Variants in PARP8 observed in about 807,000 individuals in gnomAD.
PARP8 encodes poly(ADP-ribose) polymerase family member 8.
A neutral mutation model predicts 124.1 loss-of-function variants in PARP8; 51 were observed. The ratio of observed to expected loss-of-function variants is 0.41; its 90% confidence interval spans 0.33 to 0.52. The LOEUF is 0.52. PARP8 is among the 20% of genes least tolerant of loss of function. PARP8 has a pLI of 0.21. For missense variants in PARP8, 860 were observed against 1,018.9 expected (o/e 0.84, Z 2.12); for synonymous variants, 391 against 361.5 (o/e 1.08, Z -0.93).
chr5:50,795,529 C>CT, intron 12 of PARP8, 112 bp downstream of exon 12: 1 of 872,354 alleles, frequency 1.1e-6, no homozygotes, highest in Non-Finnish European at 1.7e-6. Flanking sequence ...TTTTAATTTA[C>CT]TGTTTTTTTA....
At chr5:50,686,675 C>T (rs896363161) in intron 2 of PARP8, among the ~76,000 whole-genome samples, 1 of 152,246 alleles carries the variant, frequency 6.6e-6, no homozygotes, top group Non-Finnish European at 1.5e-5. Context: ...CATACATCCT[C>T]TAAAATCTAG....
At chr5:50,840,028 T>A (rs1748004210) in intron 25 of PARP8, among the ~76,000 whole-genome samples, 1 of 151,842 alleles carries the variant, frequency 6.6e-6, no homozygotes, top group African/African-American at 2.4e-5. Flanking sequence ...GGAGAATAGA[T>A]CTTGTAGGAC....
At chr5:50,735,323 G>A (rs546301207) in intron 2 of PARP8, among the ~76,000 whole-genome samples, 12 of 152,048 alleles carry the variant, frequency 7.9e-5, no homozygotes, top group Non-Finnish European at 1.6e-4. Context: ...ATAGATAAAT[G>A]CACTTGAATG....
chr5:50,667,548 A>C, intron 1 of PARP8: 1 of 697,226 alleles, frequency 1.4e-6, no homozygotes, highest in Non-Finnish European at 2.6e-6. Flanking sequence ...TGGTTTGCGC[A>C]ATGGGCTGAG....
intron 7 of PARP8, among the ~76,000 whole-genome samples, chr5:50,772,990 A>T (rs1761782549): frequency 6.6e-6 from 1 of 152,024 alleles, no homozygotes; most frequent in Non-Finnish European, 1.5e-5. Context: ...GAGCCACCAC[A>T]CCTGGACTTT....
intron 2 of PARP8, among the ~76,000 whole-genome samples, chr5:50,694,605 G>C (rs929756890): frequency 6.6e-6 from 1 of 152,134 alleles, no homozygotes; most frequent in Non-Finnish European, 1.5e-5. Flanking sequence ...TGCACATTGA[G>C]ATATTACCTT....
At chr5:50,727,752 A>G (rs1282164047) in intron 2 of PARP8, among the ~76,000 whole-genome samples, 1 of 152,192 alleles carries the variant, frequency 6.6e-6, no homozygotes, top group African/African-American at 2.4e-5. Flanking sequence ...TCTTTTACTC[A>G]TCCACGTATT....
Position 50,827,986 on chromosome 5 carries a change from A to T in PARP8, c.2020A>T (p.Ser674Cys). The change falls in exon 20 of 26, where the codon AGC (serine) becomes TGC (cysteine). Residue 674 changes from serine to cysteine, a missense_variant. By Grantham distance (112) the Ser-to-Cys change is moderately radical. Coordinates refer to ENST00000281631, the MANE Select transcript of PARP8 (RefSeq NM_024615.4). ...MHTPHQFLLLSSPPAKESNFR... is the reference protein window; with the variant it reads ...MHTPHQFLLLCSPPAKESNFR... Reference sequence around the variant, plus strand: ...TACTCCACATCAGTTCCTTCTTCTCAGCAGTCCACCAGCCAAAGAATCCAA... The same window carrying T: ...TACTCCACATCAGTTCCTTCTTCTCTGCAGTCCACCAGCCAAAGAATCCAA... 1 of 1,613,852 alleles carries T rather than the reference A, an allele frequency of 6.2e-7. No individual in the cohort carries two copies. Among genetic ancestry groups the T allele is most frequent in the Non-Finnish European group, 8.5e-7 (1 of 1,179,810 alleles).
At chr5:50,686,791 G>C (rs1751912595) in intron 2 of PARP8, among the ~76,000 whole-genome samples, 1 of 152,222 alleles carries the variant, frequency 6.6e-6, no homozygotes, top group South Asian at 2.1e-4. Flanking sequence ...GCAACAGCCT[G>C]AGCTATACCT....
intron 2 of PARP8, among the ~76,000 whole-genome samples, chr5:50,743,425 G>T (rs1046660190): frequency 9.2e-5 from 14 of 152,118 alleles, no homozygotes; most frequent in Non-Finnish European, 1.5e-4. Flanking sequence ...TGAGCTTCTA[G>T]TATGCCCCAA....
intron 3 of PARP8, among the ~76,000 whole-genome samples, chr5:50,754,770 C>A (rs1246520397): frequency 6.6e-6 from 1 of 152,218 alleles, no homozygotes; most frequent in Non-Finnish European, 1.5e-5. Flanking sequence ...CTATCTTCCA[C>A]AATGGTTGAA....
At chr5:50,675,344 G>A (rs1750493490) in intron 2 of PARP8, among the ~76,000 whole-genome samples, 1 of 152,106 alleles carries the variant, frequency 6.6e-6, no homozygotes, top group Non-Finnish European at 1.5e-5. Context: ...CGCTCTTGTT[G>A]CCCAGGCTGG....
At chr5:50,793,368 G>A (rs1742175291) in intron 10 of PARP8, among the ~76,000 whole-genome samples, 6 of 152,140 alleles carry the variant, frequency 3.9e-5, no homozygotes, top group Admixed American at 2.6e-4. Context: ...AGTGTTGAGG[G>A]CCACTGCCAT....
At chr5:50,834,801 C>T (rs1747380262) in intron 24 of PARP8, 130 bp from the exon 25 acceptor site, 1 of 771,550 alleles carries the variant, frequency 1.3e-6, no homozygotes, top group Non-Finnish European at 2.2e-6. Flanking sequence ...TAAGGCTAAA[C>T]AATTTTTATG....
rs201773551 is a variant in PARP8, at chr5:50,822,429, A to G, written c.1860+29A>G. ...AGTATGTCATCTGGTCTTGTACAGT[A>G]TATTTTTAAAATGTCTGAGAGTTCT... On this transcript the variant is annotated intron_variant, in intron 17 of 25. Coordinates refer to ENST00000281631, the MANE Select transcript of PARP8 (RefSeq NM_024615.4). 37 of 1,522,092 alleles carry G rather than the reference A, an allele frequency of 2.4e-5. No individual in the cohort carries two copies. The African/African-American group carries it at 3.5e-4, about 14-fold the overall frequency. 94.3% of individuals were successfully genotyped at this position (1,522,092 alleles called of 1,614,324 possible).
chr5:50,690,019 C>T (rs989925450), intron 2 of PARP8, among the ~76,000 whole-genome samples: 34 of 152,202 alleles, frequency 2.2e-4, no homozygotes, highest in African/African-American at 8.0e-4. Context: ...CCTTGCTCTT[C>T]TACTTCTCTG....
At chr5:50,735,980 A>C (rs1757439565) in intron 2 of PARP8, among the ~76,000 whole-genome samples, 2 of 135,968 alleles carry the variant, frequency 1.5e-5, no homozygotes, top group Non-Finnish European at 3.2e-5. Context: ...TTATTAGTGA[A>C]TGTATTCTCA....
intron 22 of PARP8, 81 bp from the exon 23 acceptor site, chr5:50,832,700 A>G: frequency 7.2e-7 from 1 of 1,385,354 alleles, no homozygotes; most frequent in Non-Finnish European, 1.0e-6. Context: ...CTAGAATGGA[A>G]CTTTGCATAG....
intron 2 of PARP8, among the ~76,000 whole-genome samples, chr5:50,718,164 T>C (rs1431972098): frequency 6.6e-6 from 1 of 151,960 alleles, no homozygotes; most frequent in Non-Finnish European, 1.5e-5. Context: ...ATTTCACAAG[T>C]GAAGTTGAAG....
Sources: allele counts gnomAD v4.1 joint callset (sites outside exome capture counted in the v4.1 genomes callset), GRCh38; gene constraint gnomAD v4.1.1; transcripts MANE v1.5; gene names NCBI Gene and HGNC (gene_info 2026-07-23, HGNC 2026-07-21).